FDFT1: variants seen among roughly 807,000 people sequenced by gnomAD.
FDFT1 encodes the protein squalene synthase.
FDFT1 carries 68 observed loss-of-function variants against 46.8 expected under a neutral mutation model. The ratio of observed to expected loss-of-function variants is 1.45; its 90% CI spans 1.19 to 1.78. FDFT1 has a LOEUF of 1.78. Among genes scored for constraint, FDFT1 ranks in the 40% most tolerant of loss-of-function variants. FDFT1 has a pLI of 0.00. For missense variants in FDFT1, 928 were observed against 524.4 expected (o/e 1.77, Z -7.52); for synonymous variants, 351 against 185.1 (o/e 1.90, Z -7.28).
In FDFT1 at chr8:11,805,250, C is replaced by A. The variant is rs114339588; in HGVS notation, c.99+2319C>A. Among the ~76,000 whole-genome samples, 109 of 152,244 alleles carry A rather than the reference C, an allele frequency of 7.2e-4. 1 individual carries two copies. Among genetic ancestry groups the A allele is most frequent in the African/African-American group, 2.4e-3 (98 of 41,552 alleles). The stretch of plus-strand genomic sequence containing the variant: ...CTGCAAACTAGGGAAAAAATTTACG[C>A]TTAGCAGATACTGAGGGCTGATTAT... On this transcript the variant is annotated intron_variant, in intron 1 of 7. Coordinates refer to ENST00000220584, the MANE Select transcript of FDFT1 (RefSeq NM_004462.5).
At chr8:11,831,789 A>G in intron 7 of FDFT1, 119 bp downstream of exon 7, 3 of 862,432 alleles carry the variant, frequency 3.5e-6, no homozygotes, top group Non-Finnish European at 5.6e-6. Flanking sequence ...TGTGGCCTAA[A>G]GAGACAGGAA....
At chr8:11,809,207 C>T (rs1807359423) in intron 2 of FDFT1, 3 of 1,202,738 alleles carry the variant, frequency 2.5e-6, no homozygotes, top group South Asian at 2.3e-5. Flanking sequence ...TCCAACTTTG[C>T]ATTTCTATTT....
rs1194065235 is a variant in FDFT1, at chr8:11,828,119, T to TA, written c.702+1916dup. ...TGGGAGGCTGATGTGAGACTCCATTTAAAAAAAAAAAATCAAAAATTAGCT... is the reference window on the plus strand; with the variant it reads ...TGGGAGGCTGATGTGAGACTCCATTTAAAAAAAAAAAAATCAAAAATTAGCT... On this transcript the variant is annotated intron_variant, in intron 5 of 7. Coordinates refer to ENST00000220584, the MANE Select transcript of FDFT1 (RefSeq NM_004462.5). 7.2e-4 allele frequency among the ~76,000 whole-genome samples: 106 copies of TA among 146,576 alleles called. No individual in the cohort carries two copies. In the East Asian group the frequency reaches 7.3e-3, roughly 10 times the overall value.
At position 11,808,850 on chromosome 8, in the gene FDFT1, C is replaced by T. The variant is rs1444708706; in HGVS notation, c.156C>T (p.Arg52=). 4 of 1,613,980 alleles carry T rather than the reference C, an allele frequency of 2.5e-6. No homozygotes were observed. In the African/African-American group the frequency reaches 4.0e-5, roughly 16 times the overall value. ...ACAAGTATCTCAATCAGACCAGTCG[C>T]AGTTTCGCAGCTGTTATCCAGGCGC... is the stretch of plus-strand genomic sequence containing the variant. The part of the protein sequence containing the change: ...TCYKYLNQTS[R]SFAAVIQALD... The change falls in exon 2 of 8, where the codon CGC becomes CGT. Residue 52 remains arginine, a synonymous_variant. Transcript: ENST00000220584.
At chr8:11,800,852 G>GTAT (rs1806045318), upstream of FDFT1, among the ~76,000 whole-genome samples, 1 of 152,210 alleles carries the variant, frequency 6.6e-6, no homozygotes, top group Non-Finnish European at 1.5e-5. Context: ...GTCATGGCTG[G>GTAT]AAACTAAGTT....
At chr8:11,833,171 A>T (rs1252560585) in intron 7 of FDFT1, among the ~76,000 whole-genome samples, 1 of 152,190 alleles carries the variant, frequency 6.6e-6, no homozygotes, top group East Asian at 1.9e-4. Context: ...TGACCCAAAA[A>T]ATTGCTACCA....
chr8:11,815,010 C>T (rs949764893), intron 3 of FDFT1, among the ~76,000 whole-genome samples: 4 of 152,074 alleles, frequency 2.6e-5, no homozygotes, highest in African/African-American at 9.7e-5. Context: ...TAATGCTATC[C>T]CTCCCTTGGC....
intron 5 of FDFT1, among the ~76,000 whole-genome samples, chr8:11,827,604 C>T (rs768858461): frequency 9.8e-4 from 149 of 151,784 alleles, no homozygotes; most frequent in Non-Finnish European, 1.4e-3. Flanking sequence ...AAAAAAACTT[C>T]TAAAAGTTAA....
upstream of FDFT1, among the ~76,000 whole-genome samples, chr8:11,797,427 A>AT (rs1373025047): frequency 1.3e-5 from 2 of 152,144 alleles, no homozygotes; most frequent in Non-Finnish European, 2.9e-5. Flanking sequence ...CTTCCTCTGC[A>AT]TTGTAAGCTC....
At chr8:11,832,832 C>T (rs1026864303) in intron 7 of FDFT1, among the ~76,000 whole-genome samples, 2 of 151,982 alleles carry the variant, frequency 1.3e-5, no homozygotes, top group African/African-American at 2.4e-5. Flanking sequence ...CATACAAGAC[C>T]CTCATCATTT....
intron 1 of FDFT1, among the ~76,000 whole-genome samples, chr8:11,806,018 T>G: frequency 6.6e-6 from 1 of 152,264 alleles, no homozygotes; most frequent in East Asian, 1.9e-4. Context: ...GTTCTCAAGT[T>G]TGTGGTTTTT....
At chr8:11,827,760 G>T (rs1012891180) in intron 5 of FDFT1, among the ~76,000 whole-genome samples, 1 of 152,032 alleles carries the variant, frequency 6.6e-6, no homozygotes, top group Admixed American at 6.6e-5. Context: ...ACTACTCTGG[G>T]GGCTGGGCAA....
At chr8:11,797,419 TC>T (rs1805670017), upstream of FDFT1, among the ~76,000 whole-genome samples, 1 of 152,160 alleles carries the variant, frequency 6.6e-6, no homozygotes, top group Non-Finnish European at 1.5e-5. Context: ...GTCTGTTTCT[TC>T]CTCTGCATTG....
intron 3 of FDFT1, among the ~76,000 whole-genome samples, chr8:11,812,464 A>T (rs1047412774): frequency 3.3e-5 from 5 of 152,160 alleles, no homozygotes; most frequent in Non-Finnish European, 4.4e-5. Context: ...AGCGGGATTC[A>T]GGAAGCAGTG....
At chr8:11,834,623 C>G (rs1408556508) in intron 7 of FDFT1, among the ~76,000 whole-genome samples, 1 of 152,150 alleles carries the variant, frequency 6.6e-6, no homozygotes, top group African/African-American at 2.4e-5. Flanking sequence ...CTTTTTTTCC[C>G]AAATGATGTT....
chr8:11,813,696 T>G (rs1486117964), intron 3 of FDFT1, among the ~76,000 whole-genome samples: 1 of 152,242 alleles, frequency 6.6e-6, no homozygotes, highest in Non-Finnish European at 1.5e-5. Flanking sequence ...CTTTCTCCAT[T>G]ATCCCTGTGA....
chr8:11,813,654 C>G (rs150280197), intron 3 of FDFT1, among the ~76,000 whole-genome samples: 3 of 152,196 alleles, frequency 2.0e-5, no homozygotes, highest in African/African-American at 7.2e-5. Flanking sequence ...TCTGTATTCC[C>G]TGCTACTCTT....
At chr8:11,815,251 T>C (rs1418603270) in intron 3 of FDFT1, among the ~76,000 whole-genome samples, 1 of 152,248 alleles carries the variant, frequency 6.6e-6, no homozygotes, top group African/African-American at 2.4e-5. Context: ...TGCCACATTT[T>C]CTTTATTCAG....
Position 11,808,875 on chromosome 8 carries a change from C to G in FDFT1, c.181C>G (p.Leu61Val), listed in dbSNP as rs11549151. ...SRSFAAVIQA[L>V]DGEMRNAVCI... The stretch of plus-strand genomic sequence containing the variant: ...CAGTTTCGCAGCTGTTATCCAGGCG[C>G]TGGATGGGGAAATGCGGTGAGTGAT... Residue 61 changes from leucine (L) to valine (V), a missense_variant, in exon 2 of 8, where the codon CTG becomes GTG. Physicochemically the swap from Leu to Val is conservative, Grantham distance 32. Transcript: ENST00000220584. The G allele has an allele frequency of 1.2e-6, 2 of 1,613,914 alleles. No homozygotes were observed. Among genetic ancestry groups the G allele is most frequent in the Non-Finnish European group, 1.7e-6 (2 of 1,179,940 alleles).
Sources: gnomAD v4.1 joint callset for allele counts (sites outside exome capture counted in the v4.1 genomes callset) on GRCh38, gnomAD v4.1.1 for gene constraint, MANE v1.5 for transcripts, NCBI Gene and HGNC (gene_info 2026-07-23, HGNC 2026-07-21) for gene names.